The following SEMA3A variants were observed in gnomAD, a reference collection of about 807,000 sequenced individuals.
SEMA3A encodes the protein semaphorin 3A, also known as semaphorin-3A.
SEMA3A carries 29 observed loss-of-function variants against 97.9 expected under a neutral mutation model. The observed-to-expected ratio is 0.30, with a 90% confidence interval of 0.22 to 0.40. The LOEUF (loss-of-function observed/expected upper bound fraction) is 0.40, where lower values mean the gene tolerates loss of function less well. Ranked by LOEUF, SEMA3A falls within the 10% of genes least tolerant of loss-of-function variation. The probability of loss-of-function intolerance (pLI) is 1.00; values close to 1 mark genes in which losing one functional copy is unlikely to be tolerated. For missense variants in SEMA3A, 763 were observed against 951.3 expected, an observed-to-expected ratio of 0.80 and a Z score of 2.60; for synonymous variants, 321 against 323.7, an observed-to-expected ratio of 0.99 and a Z score of 0.09.
chr7:84,238,902 A>C (rs953441150), intron 3 of SEMA3A, among the ~76,000 whole-genome samples: 7 of 151,970 alleles, frequency 4.6e-5, no homozygotes, highest in Non-Finnish European at 1.0e-4. Context: ...GTTTTAGTAG[A>C]GGCAGGGTTT....
At chr7:84,168,481 T>C (rs1039112881) in intron 1 of SEMA3A, among the ~76,000 whole-genome samples, 7 of 152,130 alleles carry the variant, frequency 4.6e-5, no homozygotes, top group African/African-American at 1.4e-4. Context: ...GCTAGGTTTC[T>C]GTAATGTTGG....
At chr7:84,249,624 A>C (rs1401200290) in intron 3 of SEMA3A, among the ~76,000 whole-genome samples, 3 of 152,034 alleles carry the variant, frequency 2.0e-5, no homozygotes, top group Non-Finnish European at 4.4e-5. Flanking sequence ...TTTTAAAGAG[A>C]TAAAACCAAA....
chr7:84,012,091 T>G (rs560705511), intron 7 of SEMA3A, among the ~76,000 whole-genome samples: 1 of 152,134 alleles, frequency 6.6e-6, no homozygotes, highest in East Asian at 1.9e-4. Flanking sequence ...GGGGGAGGGA[T>G]GAAGAGATTT....
intron 1 of SEMA3A, among the ~76,000 whole-genome samples, chr7:84,453,316 G>A (rs554218564): frequency 1.7e-4 from 26 of 150,502 alleles, no homozygotes; most frequent in African/African-American, 5.9e-4. Context: ...GCTCACTGCA[G>A]GCTCCGCCCC....
At chr7:84,397,798 T>A (rs1803777710) in intron 1 of SEMA3A, among the ~76,000 whole-genome samples, 1 of 152,056 alleles carries the variant, frequency 6.6e-6, no homozygotes, top group South Asian at 2.1e-4. Flanking sequence ...TTTTGAAAAG[T>A]TTAGTCTACC....
intron 2 of SEMA3A, among the ~76,000 whole-genome samples, chr7:84,344,566 G>C (rs1234504341): frequency 1.3e-5 from 2 of 152,124 alleles, no homozygotes; most frequent in African/African-American, 4.8e-5. Context: ...AAAAGACAGA[G>C]ATGCACTTTT....
At chr7:84,460,624 T>C (rs946686548) in intron 1 of SEMA3A, among the ~76,000 whole-genome samples, 2 of 152,252 alleles carry the variant, frequency 1.3e-5, no homozygotes, top group Non-Finnish European at 2.9e-5. Flanking sequence ...CCCAGTCCAC[T>C]GATTGTCCAT....
intron 1 of SEMA3A, among the ~76,000 whole-genome samples, chr7:84,158,357 T>C (rs1796918840): frequency 6.6e-6 from 1 of 151,896 alleles, no homozygotes; most frequent in Admixed American, 6.6e-5. Context: ...TTTCACCATA[T>C]TGGCCAGGCT....
intron 3 of SEMA3A, among the ~76,000 whole-genome samples, chr7:84,299,267 TATATATCTCCATATATATATCTATCTCC>T (rs1402766480): frequency 1.4e-5 from 2 of 140,470 alleles, no homozygotes; most frequent in Middle Eastern, 3.8e-3. Context: ...TATCTCCATA[TATATATCTCCATATATATATCTATCTCC>T]ATATATATAT....
At position 84,265,649 on chromosome 7, in the gene SEMA3A, C is replaced by T. The variant is rs183917063; in HGVS notation, c.-83+41558G>A. Among the ~76,000 whole-genome samples, 1,491 of 151,334 alleles carry T rather than the reference C, an allele frequency of 9.9e-3. 13 individuals are homozygous for T. Among genetic ancestry groups the T allele is most frequent in the Non-Finnish European group, 0.015 (1,028 of 67,836 alleles). ...TGAACTGGAACTAAATATTTCATTCCTATTTGTCTACCATGCCTGCCTGAA... is the reference window on the plus strand; with the variant it reads ...TGAACTGGAACTAAATATTTCATTCTTATTTGTCTACCATGCCTGCCTGAA... On this transcript the variant is annotated intron_variant, in intron 3 of 3. Transcript: ENST00000424555.
At chr7:84,078,478 C>A (rs1357097041) in intron 4 of SEMA3A, among the ~76,000 whole-genome samples, 1 of 152,044 alleles carries the variant, frequency 6.6e-6, no homozygotes, top group Non-Finnish European at 1.5e-5. Flanking sequence ...ATTTGATCTC[C>A]AAAACTATCC....
At chr7:84,406,616 C>G (rs1405660171) in intron 1 of SEMA3A, among the ~76,000 whole-genome samples, 2 of 152,042 alleles carry the variant, frequency 1.3e-5, no homozygotes, top group Non-Finnish European at 2.9e-5. Context: ...AATTTTAGAC[C>G]AATATCCTTG....
chr7:84,312,773 A>G (rs1801358514), intron 2 of SEMA3A, among the ~76,000 whole-genome samples: 1 of 146,128 alleles, frequency 6.8e-6, no homozygotes, highest in Non-Finnish European at 1.5e-5. Flanking sequence ...CATTTTAATT[A>G]GGCAACCTTT....
intron 2 of SEMA3A, among the ~76,000 whole-genome samples, chr7:84,359,263 T>C (rs1802650301): frequency 6.6e-6 from 1 of 152,128 alleles, no homozygotes; most frequent in Admixed American, 6.6e-5. Context: ...CAGTATGATA[T>C]TGGCTGTGGG....
upstream of SEMA3A, among the ~76,000 whole-genome samples, chr7:84,196,377 C>CTT (rs1562846810): frequency 6.6e-6 from 1 of 152,062 alleles, no homozygotes; most frequent in African/African-American, 2.4e-5. Flanking sequence ...CTCTCTCTCT[C>CTT]TCTCTGTCTC....
intron 1 of SEMA3A, among the ~76,000 whole-genome samples, chr7:84,457,661 C>T (rs1230153402): frequency 6.6e-6 from 1 of 151,912 alleles, no homozygotes; most frequent in Non-Finnish European, 1.5e-5. Context: ...GTTACATTTA[C>T]TGAATGTAAC....
At chr7:84,046,854 T>C (rs1387397562) in intron 5 of SEMA3A, among the ~76,000 whole-genome samples, 1 of 152,184 alleles carries the variant, frequency 6.6e-6, no homozygotes, top group East Asian at 1.9e-4. Context: ...TAACGTAGGG[T>C]AAGGTATCAT....
chr7:84,305,147 T>C (rs1801120387), intron 3 of SEMA3A, among the ~76,000 whole-genome samples: 1 of 151,402 alleles, frequency 6.6e-6, no homozygotes. Context: ...ACAAGAAAAA[T>C]ATACTGTCTA....
At chr7:84,246,043 A>T (rs1799469366) in intron 3 of SEMA3A, among the ~76,000 whole-genome samples, 1 of 152,162 alleles carries the variant, frequency 6.6e-6, no homozygotes, top group South Asian at 2.1e-4. Flanking sequence ...TCTTTCAGAA[A>T]TGCCCTGCCC....
Sources: allele counts gnomAD v4.1 joint callset (sites outside exome capture counted in the v4.1 genomes callset), GRCh38; gene constraint gnomAD v4.1.1; transcripts MANE v1.5; gene names NCBI Gene and HGNC (gene_info 2026-07-23, HGNC 2026-07-21).